ACAP2: variants seen among roughly 807,000 people sequenced by gnomAD.
ACAP2 encodes ArfGAP with coiled-coil, ankyrin repeat and PH domains 2.
A neutral mutation model predicts 115.8 loss-of-function variants in ACAP2; 39 were observed. The ratio of observed to expected loss-of-function variants is 0.34; its 90% CI spans 0.26 to 0.44. The LOEUF is 0.44. ACAP2 is among the 20% of genes least tolerant of loss of function. The probability of loss-of-function intolerance (pLI) is 1.00; values close to 1 mark genes in which losing one functional copy is unlikely to be tolerated. For missense variants in ACAP2, 662 were observed against 927.6 expected (o/e 0.71, Z 3.72); for synonymous variants, 289 against 315.8 (o/e 0.92, Z 0.90).
chr3:195,411,650 A>G (rs773888204), intron 1 of ACAP2, among the ~76,000 whole-genome samples: 1 of 152,230 alleles, frequency 6.6e-6, no homozygotes. Flanking sequence ...TAACTGGCAT[A>G]TTCCTAGTAC....
At chr3:195,300,548 G>A (rs1696233021) in intron 15 of ACAP2, among the ~76,000 whole-genome samples, 1 of 152,188 alleles carries the variant, frequency 6.6e-6, no homozygotes, top group Non-Finnish European at 1.5e-5. Flanking sequence ...GGGAAAAAAG[G>A]AAGACTTGGT....
At chr3:195,412,861 G>A (rs950236733) in intron 1 of ACAP2, 3 of 456,326 alleles carry the variant, frequency 6.6e-6, no homozygotes, top group African/African-American at 4.0e-5. Flanking sequence ...GTCACGCACT[G>A]TACTAGAGAC....
At chr3:195,365,332 ACT>A (rs2108709142) in intron 4 of ACAP2, among the ~76,000 whole-genome samples, 1 of 152,284 alleles carries the variant, frequency 6.6e-6, no homozygotes, top group African/African-American at 2.4e-5. Context: ...TACCCCATTT[ACT>A]CTGATTATTA....
intron 2 of ACAP2, among the ~76,000 whole-genome samples, chr3:195,387,500 C>T (rs1734382464): frequency 6.6e-6 from 1 of 152,028 alleles, no homozygotes; most frequent in Non-Finnish European, 1.5e-5. Flanking sequence ...TTGTATACAC[C>T]AAGTACACAA....
At chr3:195,330,306 G>A (rs765892845) in intron 8 of ACAP2, among the ~76,000 whole-genome samples, 5 of 152,076 alleles carry the variant, frequency 3.3e-5, no homozygotes, top group East Asian at 1.9e-4. Context: ...AAAGAATATC[G>A]TAATTGGCCA....
chr3:195,309,739 C>A (rs1302008125), intron 10 of ACAP2, among the ~76,000 whole-genome samples: 1 of 152,152 alleles, frequency 6.6e-6, no homozygotes, highest in Non-Finnish European at 1.5e-5. Context: ...ATAAAATACT[C>A]CTAAGTAAAA....
intron 4 of ACAP2, among the ~76,000 whole-genome samples, chr3:195,378,315 AC>A (rs1733705722): frequency 1.3e-5 from 2 of 151,678 alleles, no homozygotes; most frequent in South Asian, 4.2e-4. Flanking sequence ...ACATGTTGAA[AC>A]CCCGTCTCTA....
intron 4 of ACAP2, among the ~76,000 whole-genome samples, chr3:195,357,298 T>C (rs1387374920): frequency 2.0e-5 from 3 of 152,050 alleles, no homozygotes; most frequent in African/African-American, 7.2e-5. Flanking sequence ...AGCTTAAACA[T>C]AGTTGAATAC....
intron 4 of ACAP2, among the ~76,000 whole-genome samples, chr3:195,366,956 A>T (rs1163575819): frequency 6.7e-6 from 1 of 148,472 alleles, no homozygotes; most frequent in East Asian, 2.0e-4. Flanking sequence ...ACACTACTCA[A>T]CCCTGCTGCT....
At chr3:195,389,484 G>A (rs1020866133) in intron 2 of ACAP2, among the ~76,000 whole-genome samples, 3 of 152,036 alleles carry the variant, frequency 2.0e-5, no homozygotes, top group African/African-American at 7.2e-5. Context: ...AATAATATAT[G>A]TATCACTTAT....
chr3:195,285,844 T>C lies in ACAP2; in HGVS notation c.2188A>G (p.Arg730Gly). 6.2e-7 allele frequency: 1 copy of C among 1,611,620 alleles called. No homozygotes were observed. The highest frequency in any genetic ancestry group is 8.5e-7 in the Non-Finnish European group (1 of 1,179,200). Residue 730 changes from arginine to glycine, a missense_variant, in exon 22 of 23, where the codon AGA (arginine) becomes GGA (glycine). Coordinates refer to ENST00000326793, the MANE Select transcript of ACAP2 (RefSeq NM_012287.6). ...GATTCCCGCATCTCTTCATTCATTC[T>C]TGCTAAACGTAACCTAAAAATAAAT... The part of the protein sequence containing the change: ...ADIVTLLRLA[R>G]MNEEMRESEG...
Position 195,285,874 on chromosome 3 carries a change from T to G in ACAP2, c.2175-17A>C, listed in dbSNP as rs368066629. On this transcript the variant is annotated splice_polypyrimidine_tract_variant and intron_variant, in intron 21 of 22. Transcript: ENST00000326793. ...AAACGTAACCTAAAAATAAATAAAA[T>G]AGTGTTTTAGATGACATTATATAAT... 7.0e-6 allele frequency: 11 copies of G among 1,576,988 alleles called. No homozygotes were observed. The highest frequency in any genetic ancestry group is 1.4e-5 in the African/African-American group (1 of 73,912).
intron 20 of ACAP2, among the ~76,000 whole-genome samples, chr3:195,290,898 C>T (rs1463019042): frequency 1.3e-5 from 2 of 151,764 alleles, no homozygotes; most frequent in African/African-American, 2.4e-5. Flanking sequence ...CAGTGGCTCA[C>T]ACCTATAACC....
In ACAP2 at chr3:195,379,048, A is replaced by T. The variant is rs1363057611; in HGVS notation, c.285+1961T>A. ...AACATTTAGTCTATTATGTCAATTT[A>T]CAGTCAATCACTTATATAAAAAAAA... On this transcript the variant is annotated intron_variant, in intron 4 of 22. Transcript: ENST00000326793. 2.0e-5 allele frequency among the ~76,000 whole-genome samples: 3 copies of T among 152,228 alleles called. No homozygotes were observed. The East Asian group carries it at 5.8e-4, about 29-fold the overall frequency.
At chr3:195,401,093 G>A (rs1712250715) in intron 1 of ACAP2, among the ~76,000 whole-genome samples, 2 of 152,048 alleles carry the variant, frequency 1.3e-5, no homozygotes, top group Admixed American at 1.3e-4. Context: ...CTGCTTTTAT[G>A]GCTGTTCCCC....
intron 20 of ACAP2, among the ~76,000 whole-genome samples, chr3:195,289,803 C>CAAAAAAA (rs35498756): frequency 0.015 from 1,685 of 111,756 alleles, 29 homozygotes; most frequent in East Asian, 0.079. Flanking sequence ...GACTCCGTCT[C>CAAAAAAA]AAAAAAAAAA....
At chr3:195,429,347 C>G (rs1714929485) in intron 1 of ACAP2, among the ~76,000 whole-genome samples, 1 of 147,614 alleles carries the variant, frequency 6.8e-6, no homozygotes, top group Non-Finnish European at 1.5e-5. Context: ...CCACTGCACT[C>G]CAGCCTGGGC....
chr3:195,422,488 C>CT (rs374009344), intron 1 of ACAP2, among the ~76,000 whole-genome samples: 1 of 151,856 alleles, frequency 6.6e-6, no homozygotes, highest in African/African-American at 2.4e-5. Context: ...ATTTTGTTTT[C>CT]TTTTTTATTT....
At chr3:195,293,771 G>A (rs951074757) in intron 18 of ACAP2, among the ~76,000 whole-genome samples, 2 of 152,130 alleles carry the variant, frequency 1.3e-5, no homozygotes, top group African/African-American at 4.8e-5. Context: ...ACAGAAGGTA[G>A]AGGCTGCAGT....
Sources: allele counts gnomAD v4.1 joint callset (sites outside exome capture counted in the v4.1 genomes callset), GRCh38; gene constraint gnomAD v4.1.1; transcripts MANE v1.5; gene names NCBI Gene and HGNC (gene_info 2026-07-23, HGNC 2026-07-21).